JPH3: variants seen among roughly 807,000 people sequenced by gnomAD.
JPH3 encodes the protein junctophilin 3, also known as junctophilin-3.
Under a neutral mutation model 59.6 loss-of-function variants are expected in JPH3, and 11 were observed. That is an observed-to-expected ratio of 0.18 (90% CI 0.12 to 0.31). The LOEUF is 0.31. Among genes scored for constraint, JPH3 ranks in the 10% least tolerant of loss-of-function variants. JPH3 has a pLI of 1.00. For missense variants in JPH3, 1,202 were observed against 1,105.7 expected, an observed-to-expected ratio of 1.09 and a Z score of -1.24; for synonymous variants, 673 against 483.6, an observed-to-expected ratio of 1.39 and a Z score of -5.14.
rs1555532679 is a variant in JPH3 at position 87,602,534 on chromosome 16, A to AAGC, written c.-613_-612insAGC. ...AGCGCGCGAGCCGGGCCCGGAGCGC[A>AAGC]CGCCGCCGCCGCCACCGCCGCCGCC... is the stretch of plus-strand genomic sequence containing the variant. On this transcript the variant is annotated 5_prime_UTR_variant, in exon 1 of 5. Transcript: ENST00000284262. Among the ~76,000 whole-genome samples, 3 of 132,194 alleles carry AAGC rather than the reference A, an allele frequency of 2.3e-5. No homozygotes were observed. The highest frequency in any genetic ancestry group is 8.2e-5 in the African/African-American group (3 of 36,526). 86.7% of individuals were successfully genotyped at this position (132,194 alleles called of 152,430 possible).
chr16:87,689,920 G>A lies in JPH3; in HGVS notation c.1560G>A (p.Glu520=), dbSNP rs1275456258. ...GCGGGGACATCCAGATGCTCCTGGA[G>A]GGCCGGGCCGGGGACTGCGCCCGCA... is the stretch of plus-strand genomic sequence containing the variant. The part of the protein sequence containing the change: ...ERGGDIQMLL[E]GRAGDCARSS... The change falls in exon 4 of 5, where the codon GAG becomes GAA. Residue 520 remains glutamate (E), a synonymous_variant. Coordinates refer to ENST00000284262, the MANE Select transcript of JPH3 (RefSeq NM_020655.4). The A allele has an allele frequency of 6.9e-7, 1 of 1,454,396 alleles. No homozygotes were observed. The highest frequency in any genetic ancestry group is 2.5e-5 in the East Asian group (1 of 40,028). 90.1% of individuals were successfully genotyped at this position (1,454,396 alleles called of 1,614,324 possible). A position where few individuals can be genotyped will look rare whatever the true frequency, so the allele number is the denominator to read the frequency against.
At chr16:87,626,656 C>T (rs1485524871) in intron 1 of JPH3, among the ~76,000 whole-genome samples, 3 of 152,392 alleles carry the variant, frequency 2.0e-5, no homozygotes, top group East Asian at 1.9e-4. Flanking sequence ...ACACTCAGAG[C>T]CACTCAGCCT....
chr16:87,632,963 G>T (rs1001253061), intron 1 of JPH3, among the ~76,000 whole-genome samples: 1 of 152,054 alleles, frequency 6.6e-6, no homozygotes, highest in Admixed American at 6.5e-5. Flanking sequence ...GAACTCTGGG[G>T]CTCAAGCAGT....
intron 2 of JPH3, among the ~76,000 whole-genome samples, chr16:87,656,702 G>GC (rs1369429333): frequency 6.6e-6 from 1 of 152,176 alleles, no homozygotes; most frequent in Non-Finnish European, 1.5e-5. Flanking sequence ...AGGAACGGGG[G>GC]CCCCTACGTG....
chr16:87,664,443 G>A (rs908438003), intron 2 of JPH3, among the ~76,000 whole-genome samples: 1 of 151,484 alleles, frequency 6.6e-6, no homozygotes, highest in South Asian at 2.1e-4. Context: ...TGGCCAACAT[G>A]GTGAAACCCT....
chr16:87,604,199 C>T (rs1415519332), intron 1 of JPH3: 1 of 1,419,782 alleles, frequency 7.0e-7, no homozygotes. Flanking sequence ...GCATCGTTTT[C>T]ACCATTAGTT....
At chr16:87,672,764 T>C (rs186346325) in intron 2 of JPH3, among the ~76,000 whole-genome samples, 3 of 152,302 alleles carry the variant, frequency 2.0e-5, no homozygotes, top group African/African-American at 4.8e-5. Context: ...GGGTGGTTGA[T>C]TAAATGGTAT....
At chr16:87,690,773 C>A (rs557342662) in intron 4 of JPH3, among the ~76,000 whole-genome samples, 2 of 151,700 alleles carry the variant, frequency 1.3e-5, no homozygotes, top group East Asian at 3.8e-4. Context: ...AGAAAGCACA[C>A]GAAACTCCTG....
At chr16:87,621,735 G>C (rs1015074123) in intron 1 of JPH3, among the ~76,000 whole-genome samples, 7 of 152,200 alleles carry the variant, frequency 4.6e-5, no homozygotes, top group Non-Finnish European at 8.8e-5. Flanking sequence ...AGAGGGTGTT[G>C]GGAAGAGCCC....
At chr16:87,604,831 C>T (rs982929449) in intron 1 of JPH3, 2 of 387,304 alleles carry the variant, frequency 5.2e-6, no homozygotes. Flanking sequence ...ATGCTCCTGC[C>T]TGTCAAAGCC....
chr16:87,632,759 G>A (rs1053135880), intron 1 of JPH3, among the ~76,000 whole-genome samples: 3 of 152,138 alleles, frequency 2.0e-5, no homozygotes, highest in Non-Finnish European at 4.4e-5. Context: ...CGGGCATGGA[G>A]GTGTGCACTT....
In JPH3 at chr16:87,675,842, A is replaced by G. The variant is rs74769353; in HGVS notation, c.1161-8300A>G. On this transcript the variant is annotated intron_variant, in intron 2 of 4. Transcript: ENST00000284262. ...GACCACTATTCCTCACCTTTCATAC[A>G]CCCACTCCCATCCTATTTCGCACCC... Among the ~76,000 whole-genome samples, 867 of 152,164 alleles carry G rather than the reference A, an allele frequency of 5.7e-3. 14 individuals are homozygous for G. Among genetic ancestry groups the G allele is most frequent in the African/African-American group, 0.019 (805 of 41,502 alleles).
Position 87,684,028 on chromosome 16 carries a change from C to G in JPH3, c.1161-114C>G, listed in dbSNP as rs112256103. 144 of 685,678 alleles carry G rather than the reference C, an allele frequency of 2.1e-4. 1 individual carries two copies. In the African/African-American group the frequency reaches 2.2e-3, roughly 10 times the overall value. The allele number at this position is 685,678 out of a possible 1,614,324, so 42.5% of individuals were successfully genotyped here. A position where few individuals can be genotyped will look rare whatever the true frequency, so the allele number is the denominator to read the frequency against. ...GAAGTCTGAGGGTAAACATGGGGTG[C>G]CAGCATCTTGTCTTAGCCCAGCCCG... On this transcript the variant is annotated intron_variant, in intron 2 of 4. Coordinates refer to ENST00000284262, the MANE Select transcript of JPH3 (RefSeq NM_020655.4).
intron 1 of JPH3, among the ~76,000 whole-genome samples, chr16:87,605,742 GATT>G (rs2030495052): frequency 6.6e-6 from 1 of 152,180 alleles, no homozygotes; most frequent in Admixed American, 6.5e-5. Flanking sequence ...CGGGCTTTGT[GATT>G]CAGGAGTCCC....
intron 2 of JPH3, among the ~76,000 whole-genome samples, chr16:87,681,833 G>C (rs1023916188): frequency 1.3e-5 from 2 of 152,132 alleles, no homozygotes; most frequent in Non-Finnish European, 2.9e-5. Flanking sequence ...GCTGATTTTC[G>C]GGCAGGTGCT....
intron 2 of JPH3, among the ~76,000 whole-genome samples, chr16:87,649,880 A>G (rs4843650): frequency 0.45 from 69,191 of 152,082 alleles, 16,186 homozygotes; most frequent in Middle Eastern, 0.62. Context: ...GCAGCCCCGC[A>G]AAGCCTGCAA....
At chr16:87,680,867 C>G (rs1399509687) in intron 2 of JPH3, among the ~76,000 whole-genome samples, 1 of 152,218 alleles carries the variant, frequency 6.6e-6, no homozygotes, top group Non-Finnish European at 1.5e-5. Context: ...TATGTAAACA[C>G]ACGTATGATG....
intron 1 of JPH3, among the ~76,000 whole-genome samples, chr16:87,626,901 G>C (rs1261060450): frequency 6.6e-6 from 1 of 152,234 alleles, no homozygotes; most frequent in African/African-American, 2.4e-5. Context: ...GCACTTTGGG[G>C]AGGGCAAGGT....
intron 2 of JPH3, 50 bp from the exon 3 acceptor site, chr16:87,684,090 CCT>C (rs1450700778): frequency 3.5e-6 from 5 of 1,423,534 alleles, no homozygotes; most frequent in East Asian, 2.3e-5. Flanking sequence ...AACCCAGACC[CCT>C]GTCACCTGTG....
Sources: allele counts gnomAD v4.1 joint callset (sites outside exome capture counted in the v4.1 genomes callset), GRCh38; gene constraint gnomAD v4.1.1; transcripts MANE v1.5; gene names NCBI Gene and HGNC (gene_info 2026-07-23, HGNC 2026-07-21).